PDE4D: variants seen among roughly 807,000 people sequenced by gnomAD.
PDE4D encodes phosphodiesterase 4D, also known as 3',5'-cyclic-AMP phosphodiesterase 4D.
PDE4D carries 24 observed loss-of-function variants against 87.4 expected under a neutral mutation model. The ratio of observed to expected loss-of-function variants is 0.27; its 90% confidence interval spans 0.20 to 0.39. The LOEUF (loss-of-function observed/expected upper bound fraction) is 0.39. Ranked by LOEUF, PDE4D falls within the 10% of genes least tolerant of loss-of-function variation. PDE4D has a pLI of 1.00. For synonymous variants in PDE4D, 384 were observed against 383.2 expected (o/e 1.00, Z -0.02); for missense variants, 714 against 1,041.0 (o/e 0.69, Z 4.32).
intron 3 of PDE4D, among the ~76,000 whole-genome samples, chr5:59,944,197 A>T (rs1291511170): frequency 1.3e-5 from 2 of 152,236 alleles, no homozygotes; most frequent in Non-Finnish European, 2.9e-5. Flanking sequence ...TTGTTGCTTT[A>T]ACAGATTCTG....
rs76183474 is a variant in PDE4D, at chr5:59,282,746, A to C, written c.456-66778T>G. 2.6e-3 allele frequency among the ~76,000 whole-genome samples: 396 copies of C among 152,170 alleles called. 1 individual carries two copies. Among genetic ancestry groups the C allele is most frequent in the African/African-American group, 8.9e-3 (371 of 41,526 alleles). ...ATAATTTAGTTTCTGATGTAATGGG[A>C]AATGTTGAAAATTGTTTTATTAGAA... is the stretch of plus-strand genomic sequence containing the variant. On this transcript the variant is annotated intron_variant, in intron 1 of 14. Transcript: ENST00000340635.
intron 1 of PDE4D, among the ~76,000 whole-genome samples, chr5:59,747,234 A>G (rs1031143972): frequency 1.3e-5 from 2 of 151,916 alleles, no homozygotes. Context: ...AATCTTCCAA[A>G]CCCAATGAGT....
chr5:60,373,491 A>G (rs1478024556), intron 1 of PDE4D, among the ~76,000 whole-genome samples: 1 of 152,176 alleles, frequency 6.6e-6, no homozygotes, highest in African/African-American at 2.4e-5. Flanking sequence ...GACTTGCCTG[A>G]GAGTTGCAAA....
intron 1 of PDE4D, among the ~76,000 whole-genome samples, chr5:59,882,577 G>T (rs975017883): frequency 1.6e-4 from 24 of 152,140 alleles, no homozygotes; most frequent in Non-Finnish European, 3.1e-4. Flanking sequence ...CTCATTTTTG[G>T]TAAGTAACTT....
intron 1 of PDE4D, among the ~76,000 whole-genome samples, chr5:60,511,105 G>A (rs944205214): frequency 2.6e-5 from 4 of 152,086 alleles, no homozygotes; most frequent in Non-Finnish European, 5.9e-5. Context: ...AAGTAGCTGG[G>A]ATTATAGGTG....
intron 1 of PDE4D, among the ~76,000 whole-genome samples, chr5:60,364,975 A>AT (rs1048399144): frequency 1.3e-5 from 2 of 152,196 alleles, no homozygotes; most frequent in East Asian, 1.9e-4. Flanking sequence ...CAGAAAATAA[A>AT]TTTTTTTTAA....
chr5:59,589,819 ATATACT>A (rs1243951644), intron 1 of PDE4D, among the ~76,000 whole-genome samples: 1 of 152,188 alleles, frequency 6.6e-6, no homozygotes, highest in Non-Finnish European at 1.5e-5. Context: ...AAACTACTAA[ATATACT>A]TAAACTAAGA....
intron 1 of PDE4D, among the ~76,000 whole-genome samples, chr5:59,582,360 T>C (rs1247772383): frequency 6.6e-6 from 1 of 152,166 alleles, no homozygotes; most frequent in Non-Finnish European, 1.5e-5. Context: ...AATGCACTTC[T>C]GGATTGAGTT....
intron 1 of PDE4D, among the ~76,000 whole-genome samples, chr5:60,517,599 G>A (rs755241164): frequency 6.6e-6 from 1 of 152,116 alleles, no homozygotes; most frequent in Non-Finnish European, 1.5e-5. Context: ...CCTGAGAGCT[G>A]CACATTTGAA....
At chr5:59,402,406 A>T (rs780029596) in intron 1 of PDE4D, among the ~76,000 whole-genome samples, 1 of 152,178 alleles carries the variant, frequency 6.6e-6, no homozygotes, top group Non-Finnish European at 1.5e-5. Context: ...ACCAGCAGTG[A>T]ATCTGCTGGT....
intron 1 of PDE4D, among the ~76,000 whole-genome samples, chr5:59,633,571 G>A (rs182024535): frequency 6.6e-6 from 1 of 152,166 alleles, no homozygotes; most frequent in Non-Finnish European, 1.5e-5. Flanking sequence ...AGAAGAGAGT[G>A]GGGGCCAATA....
chr5:60,023,844 A>G (rs1172700253), intron 2 of PDE4D, among the ~76,000 whole-genome samples: 1 of 152,202 alleles, frequency 6.6e-6, no homozygotes, highest in Non-Finnish European at 1.5e-5. Flanking sequence ...AGCAAGTGTC[A>G]CTAACACTGT....
At chr5:59,580,855 C>T (rs966599289) in intron 1 of PDE4D, among the ~76,000 whole-genome samples, 1 of 152,006 alleles carries the variant, frequency 6.6e-6, no homozygotes, top group African/African-American at 2.4e-5. Flanking sequence ...GAATTAGAAA[C>T]CTGGAGTGCT....
At chr5:59,866,562 T>A (rs189911230) in intron 1 of PDE4D, among the ~76,000 whole-genome samples, 127 of 152,246 alleles carry the variant, frequency 8.3e-4, no homozygotes, top group African/African-American at 3.0e-3. Context: ...GGCAGGAGGA[T>A]CACTTGAGCC....
chr5:59,689,501 C>T (rs562078776), intron 1 of PDE4D, among the ~76,000 whole-genome samples: 1,930 of 152,152 alleles, frequency 0.013, 27 homozygotes, highest in Non-Finnish European at 0.02. Context: ...GCAGAAAAGG[C>T]GTTTGACAAA....
intron 2 of PDE4D, among the ~76,000 whole-genome samples, chr5:59,209,256 G>T (rs1236914983): frequency 6.6e-6 from 1 of 151,992 alleles, no homozygotes; most frequent in Non-Finnish European, 1.5e-5. Flanking sequence ...CTCAATCGTG[G>T]CTCACTACAA....
At chr5:59,961,553 C>G (rs141072891) in intron 3 of PDE4D, among the ~76,000 whole-genome samples, 15 of 152,180 alleles carry the variant, frequency 9.9e-5, no homozygotes, top group African/African-American at 3.6e-4. Flanking sequence ...CATTTGTGGT[C>G]ATTTATATGG....
At chr5:59,596,001 T>G (rs1483061855) in intron 1 of PDE4D, among the ~76,000 whole-genome samples, 1 of 151,396 alleles carries the variant, frequency 6.6e-6, no homozygotes, top group Admixed American at 6.6e-5. Flanking sequence ...TTTTAGTGCT[T>G]TTTAAAAATT....
chr5:59,264,755 A>G (rs1762582884), intron 1 of PDE4D, among the ~76,000 whole-genome samples: 1 of 152,050 alleles, frequency 6.6e-6, no homozygotes, highest in African/African-American at 2.4e-5. Context: ...ATAATAAAAT[A>G]GTAGATATCA....
Sources: gnomAD v4.1 joint callset for allele counts (sites outside exome capture counted in the v4.1 genomes callset) on GRCh38, gnomAD v4.1.1 for gene constraint, MANE v1.5 for transcripts, NCBI Gene and HGNC (gene_info 2026-07-23, HGNC 2026-07-21) for gene names.